SPAG16: variants seen among roughly 807,000 people sequenced by gnomAD.
SPAG16 encodes the protein sperm-associated antigen 16 protein.
A neutral mutation model predicts 80.4 loss-of-function variants in SPAG16; 86 were observed. The observed-to-expected ratio is 1.07, with a 90% CI of 0.90 to 1.28. The LOEUF is 1.28. Ranked by LOEUF, SPAG16 falls within the 50% of genes most tolerant of loss-of-function variation. SPAG16 has a pLI of 0.00. For synonymous variants in SPAG16, 294 were observed against 265.9 expected (o/e 1.11, Z -1.03); for missense variants, 870 against 765.3 (o/e 1.14, Z -1.61).
chr2:213,812,362 T>C (rs1197335204), intron 10 of SPAG16, among the ~76,000 whole-genome samples: 1 of 152,244 alleles, frequency 6.6e-6, no homozygotes, highest in East Asian at 1.9e-4. Flanking sequence ...GGAAGCTATT[T>C]GTCTCTGACC....
At chr2:213,938,400 G>T (rs77742377) in intron 12 of SPAG16, among the ~76,000 whole-genome samples, 1,974 of 151,974 alleles carry the variant, frequency 0.013, 39 homozygotes, top group African/African-American at 0.045. Flanking sequence ...GTGTGTGTGT[G>T]TATTCTCACA....
chr2:213,382,634 A>G (rs2067229546), intron 9 of SPAG16, among the ~76,000 whole-genome samples: 1 of 152,206 alleles, frequency 6.6e-6, no homozygotes, highest in African/African-American at 2.4e-5. Context: ...AGCATGGAGG[A>G]CAAAAGATAC....
intron 11 of SPAG16, among the ~76,000 whole-genome samples, chr2:213,925,726 C>T (rs2078439825): frequency 6.6e-6 from 1 of 152,150 alleles, no homozygotes; most frequent in Admixed American, 6.6e-5. Flanking sequence ...GAAGAAATTT[C>T]ACCCCTGTGA....
intron 10 of SPAG16, among the ~76,000 whole-genome samples, chr2:213,731,020 GT>G (rs1317202342): frequency 6.6e-6 from 1 of 151,458 alleles, no homozygotes; most frequent in Non-Finnish European, 1.5e-5. Context: ...GTTTCTTAGA[GT>G]TTTCATCTCT....
At position 213,297,378 on chromosome 2, in the gene SPAG16, G is replaced by A. The variant is rs373681525; in HGVS notation, c.279+21G>A. ...TTTTGGTGAGAATTTGAACACTAGT[G>A]TAGTCTATAGTTTAGTGGTAGTGCT... is the stretch of plus-strand genomic sequence containing the variant. On this transcript the variant is annotated intron_variant, in intron 3 of 15. Coordinates refer to ENST00000331683, the MANE Select transcript of SPAG16 (RefSeq NM_024532.5). 14 of 1,451,122 alleles carry A rather than the reference G, an allele frequency of 9.6e-6. No homozygotes were observed. The African/African-American group carries it at 1.7e-4, about 18-fold the overall frequency. The allele number at this position is 1,451,122 out of a possible 1,614,324, so 89.9% of individuals were successfully genotyped here.
chr2:213,406,479 A>T (rs2068611540), intron 9 of SPAG16, among the ~76,000 whole-genome samples: 2 of 152,324 alleles, frequency 1.3e-5, no homozygotes, highest in East Asian at 1.9e-4. Context: ...CCATACATTA[A>T]GTTGTAATTT....
chr2:214,391,178 A>G (rs1364924439), intron 15 of SPAG16, among the ~76,000 whole-genome samples: 1 of 152,174 alleles, frequency 6.6e-6, no homozygotes, highest in Non-Finnish European at 1.5e-5. Flanking sequence ...CTAGTTTTAT[A>G]TGATACAAGG....
chr2:214,220,934 C>T (rs2058550604), intron 15 of SPAG16, among the ~76,000 whole-genome samples: 1 of 152,088 alleles, frequency 6.6e-6, no homozygotes, highest in Non-Finnish European at 1.5e-5. Context: ...AACTCTCTGC[C>T]TTAGGGGTGA....
chr2:213,901,016 C>G (rs10182483), intron 11 of SPAG16, among the ~76,000 whole-genome samples: 1 of 151,942 alleles, frequency 6.6e-6, no homozygotes, highest in South Asian at 2.1e-4. Flanking sequence ...TATTTTGTAT[C>G]ATTCATTTTC....
intron 10 of SPAG16, among the ~76,000 whole-genome samples, chr2:213,695,119 C>T (rs1257752162): frequency 6.6e-6 from 1 of 152,160 alleles, no homozygotes; most frequent in Non-Finnish European, 1.5e-5. Context: ...GATTAGACCT[C>T]AAAATTCTCT....
intron 12 of SPAG16, among the ~76,000 whole-genome samples, chr2:213,995,992 C>T (rs1381051418): frequency 6.6e-6 from 1 of 152,158 alleles, no homozygotes; most frequent in Non-Finnish European, 1.5e-5. Context: ...TCCCTAAAGC[C>T]TTCTCTTCTT....
intron 11 of SPAG16, among the ~76,000 whole-genome samples, chr2:213,917,791 G>T (rs1181078962): frequency 6.6e-6 from 1 of 152,048 alleles, no homozygotes; most frequent in Non-Finnish European, 1.5e-5. Context: ...GATTGCTATG[G>T]CTGGAACTTT....
chr2:213,801,423 A>G (rs1291427759), intron 10 of SPAG16, among the ~76,000 whole-genome samples: 1 of 152,246 alleles, frequency 6.6e-6, no homozygotes, highest in Non-Finnish European at 1.5e-5. Context: ...GAACAAGACT[A>G]TAGGAGATTG....
At chr2:214,240,463 C>T (rs1024485112) in intron 15 of SPAG16, 10 of 152,092 alleles carry the variant, frequency 6.6e-5, no homozygotes, top group African/African-American at 2.4e-4. Context: ...CAACCATCTC[C>T]GTAAAGATAT....
At chr2:213,886,109 C>T (rs2076544587) in intron 11 of SPAG16, among the ~76,000 whole-genome samples, 1 of 152,108 alleles carries the variant, frequency 6.6e-6, no homozygotes, top group Non-Finnish European at 1.5e-5. Context: ...CGTGACCTCT[C>T]TGTGCAGCAT....
intron 15 of SPAG16, among the ~76,000 whole-genome samples, chr2:214,200,763 A>G (rs1043948751): frequency 7.9e-5 from 12 of 152,218 alleles, no homozygotes; most frequent in African/African-American, 2.7e-4. Flanking sequence ...GGTTTTTGAG[A>G]AAACAATTAA....
intron 9 of SPAG16, among the ~76,000 whole-genome samples, chr2:213,378,715 A>G (rs1377949885): frequency 6.6e-6 from 1 of 152,178 alleles, no homozygotes; most frequent in African/African-American, 2.4e-5. Flanking sequence ...TGTTCTATCT[A>G]TTCTGTAGTC....
chr2:213,520,725 A>T (rs1426458575), intron 10 of SPAG16, among the ~76,000 whole-genome samples: 1 of 152,236 alleles, frequency 6.6e-6, no homozygotes. Flanking sequence ...CTTTCCAAAA[A>T]ATACAAAGCA....
intron 14 of SPAG16, among the ~76,000 whole-genome samples, chr2:214,133,103 AAAT>A (rs2054863980): frequency 7.5e-6 from 1 of 132,552 alleles, no homozygotes; most frequent in Non-Finnish European, 1.6e-5. Context: ...AAATAAAATA[AAAT>A]AAAAAAAATA....
Sources: gnomAD v4.1 joint callset for allele counts (sites outside exome capture counted in the v4.1 genomes callset) on GRCh38, gnomAD v4.1.1 for gene constraint, MANE v1.5 for transcripts, NCBI Gene and HGNC (gene_info 2026-07-23, HGNC 2026-07-21) for gene names.